The following SYNE1 variants were observed in gnomAD, a reference collection of about 807,000 sequenced individuals.
The protein encoded by SYNE1 is nesprin-1.
Under a neutral mutation model 1,111.0 loss-of-function variants are expected in SYNE1, and 616 were observed. The ratio of observed to expected loss-of-function variants is 0.55; its 90% CI spans 0.52 to 0.59. The LOEUF is 0.59. SYNE1 is among the 20% of genes least tolerant of loss of function. The pLI is 0.00. For missense variants in SYNE1, 10,006 were observed against 10,417.0 expected (o/e 0.96, Z 1.72); for synonymous variants, 3,855 against 3,825.8 (o/e 1.01, Z -0.28).
intron 104 of SYNE1, among the ~76,000 whole-genome samples, chr6:152,252,664 A>G (rs910486304): frequency 6.6e-6 from 1 of 152,248 alleles, no homozygotes; most frequent in African/African-American, 2.4e-5. Context: ...GTGCAAAGTT[A>G]AAACAAAAAG....
At position 152,122,626 on chromosome 6, in the gene SYNE1, C is replaced by A. The variant is rs2295192; in HGVS notation, c.26204G>T (p.Arg8735Leu). The change falls in exon 146 of 146, where the codon CGG (arginine) becomes CTG (leucine). Residue 8735 changes from arginine to leucine, a missense_variant. Physicochemically the swap from Arg to Leu is moderately radical, Grantham distance 102. Around this residue, in one of 7 missense-constraint regions of SYNE1, gnomAD observed 761 missense variants for 795.5 expected, o/e 0.96. Transcript: ENST00000367255. ...TCTGAACAGGAAGCCGCGGCCGGAC[C>A]GACCTGGCCCTGGCTCAGAAAGGGA... ...DSSLSEPGPG[R>L]SGRGFLFRVL... 125 of 1,613,958 alleles carry A rather than the reference C, an allele frequency of 7.7e-5. 1 individual carries two copies. Among genetic ancestry groups the A allele is most frequent in the Admixed American group, 2.7e-4 (16 of 60,006 alleles).
intron 109 of SYNE1, 82 bp downstream of exon 109, chr6:152,236,735 A>C: frequency 3.1e-5 from 47 of 1,530,344 alleles, no homozygotes; most frequent in Non-Finnish European, 4.2e-5. Flanking sequence ...TACTAATAAA[A>C]TAATTGATCA....
chr6:152,602,196 C>T (rs1296716994), intron 3 of SYNE1, among the ~76,000 whole-genome samples: 1 of 152,152 alleles, frequency 6.6e-6, no homozygotes, highest in Non-Finnish European at 1.5e-5. Context: ...ACCTCCAGGA[C>T]TTCAGAATGT....
chr6:152,377,742 C>T, intron 56 of SYNE1, among the ~76,000 whole-genome samples: 1 of 129,214 alleles, frequency 7.7e-6, no homozygotes, highest in East Asian at 2.4e-4. Flanking sequence ...TTAAAAATTT[C>T]TTATAATCCA....
intron 20 of SYNE1, 23 bp downstream of exon 20, chr6:152,462,715 A>T (rs755143585): frequency 1.9e-6 from 3 of 1,613,866 alleles, no homozygotes; most frequent in Non-Finnish European, 2.5e-6. Context: ...TAGGCTTTTC[A>T]TTTTGATTCA....
At chr6:152,509,110 A>G (rs1226241145) in intron 8 of SYNE1, among the ~76,000 whole-genome samples, 1 of 152,180 alleles carries the variant, frequency 6.6e-6, no homozygotes, top group Non-Finnish European at 1.5e-5. Flanking sequence ...GGAAAATCAA[A>G]CAAAAGCATA....
chr6:152,293,927 G>C, intron 94 of SYNE1, 33 bp downstream of exon 94: 1 of 1,613,770 alleles, frequency 6.2e-7, no homozygotes, highest in South Asian at 1.1e-5. Context: ...CTGGTGTCTG[G>C]TGGGCATAAA....
Position 152,143,660 on chromosome 6 carries a change from G to A in SYNE1, c.25082C>T (p.Pro8361Leu), listed in dbSNP as rs2058925640. The A allele has an allele frequency of 1.9e-6, 3 of 1,614,152 alleles. No homozygotes were observed. The highest frequency in any genetic ancestry group is 2.5e-6 in the Non-Finnish European group (3 of 1,180,030). ...GCTGGTGTCTAGCTCCGGCCCCGTG[G>A]GAGTTTTGCTGCGAATGATATTTTC... ...QTENIIRSKTPTGPELDTSYK... is the reference protein window; with the variant it reads ...QTENIIRSKTLTGPELDTSYK... Residue 8361 changes from proline (P) to leucine (L), a missense_variant, in exon 138 of 146, where the codon CCC (proline) becomes CTC (leucine). Pro to Leu is a moderately conservative substitution (Grantham distance 98). Coordinates refer to ENST00000367255, the MANE Select transcript of SYNE1 (RefSeq NM_182961.4).
At chr6:152,487,949 C>A (rs2098949811) in intron 12 of SYNE1, among the ~76,000 whole-genome samples, 1 of 152,034 alleles carries the variant, frequency 6.6e-6, no homozygotes, top group Non-Finnish European at 1.5e-5. Flanking sequence ...GTGGTGGGTG[C>A]CTGTAGTCCC....
At chr6:152,230,995 G>A (rs923282701) in intron 114 of SYNE1, among the ~76,000 whole-genome samples, 6 of 152,164 alleles carry the variant, frequency 3.9e-5, no homozygotes, top group Admixed American at 3.3e-4. Context: ...AAAGTTTACG[G>A]ATTTGTGTTG....
At chr6:152,163,117 C>A (rs2062862433) in intron 131 of SYNE1, among the ~76,000 whole-genome samples, 1 of 152,162 alleles carries the variant, frequency 6.6e-6, no homozygotes, top group Non-Finnish European at 1.5e-5. Context: ...ATATTCAAAG[C>A]AACCTAAATG....
chr6:152,486,218 A>AG (rs148008568), intron 12 of SYNE1, among the ~76,000 whole-genome samples: 7,095 of 151,136 alleles, frequency 0.047, 237 homozygotes, highest in Non-Finnish European at 0.067. Flanking sequence ...ATTAAAAAAA[A>AG]CAACAAAAAA....
chr6:152,337,052 T>C (rs375131729), intron 75 of SYNE1, 35 bp from the exon 76 acceptor site: 15 of 1,599,096 alleles, frequency 9.4e-6, no homozygotes, highest in Middle Eastern at 1.7e-4. Context: ...TTAGCAACCA[T>C]ACATGGAAAC....
intron 98 of SYNE1, among the ~76,000 whole-genome samples, chr6:152,274,902 T>G (rs924504759): frequency 6.6e-6 from 1 of 152,150 alleles, no homozygotes; most frequent in Admixed American, 6.5e-5. Flanking sequence ...TTGTTTATTT[T>G]TTTAGTTGGC....
chr6:152,176,682 T>C, intron 129 of SYNE1, 122 bp from the exon 130 acceptor site: 1 of 974,472 alleles, frequency 1.0e-6, no homozygotes, highest in Admixed American at 1.9e-5. Context: ...AGCATAGGAA[T>C]ACCATGTGGA....
intron 100 of SYNE1, among the ~76,000 whole-genome samples, chr6:152,267,701 A>T (rs1468847433): frequency 6.6e-6 from 1 of 152,218 alleles, no homozygotes; most frequent in Non-Finnish European, 1.5e-5. Context: ...GGGCAAGATA[A>T]GCTCTTACAG....
chr6:152,144,026 T>G, intron 137 of SYNE1: 1 of 492,244 alleles, frequency 2.0e-6, no homozygotes, highest in Non-Finnish European at 3.7e-6. Context: ...AACAGCTTCG[T>G]GCACCTGACC....
chr6:152,416,386 C>A lies in SYNE1; in HGVS notation c.6050+1G>T, dbSNP rs1261272739. 6.2e-7 allele frequency: 1 copy of A among 1,613,914 alleles called. No homozygotes were observed. The highest frequency in any genetic ancestry group is 8.5e-7 in the Non-Finnish European group (1 of 1,180,038). On this transcript the variant is annotated splice_donor_variant, in intron 41 of 145. Transcript: ENST00000367255. LOFTEE classifies it high-confidence loss of function. ...AGTGGCCGTGACAGTTTCCTATTTA[C>A]CTCTGCTGAAGAGCTTGGCGGGTAG...
At chr6:152,573,748 CA>C (rs1415940739) in intron 3 of SYNE1, among the ~76,000 whole-genome samples, 1 of 152,078 alleles carries the variant, frequency 6.6e-6, no homozygotes, top group Non-Finnish European at 1.5e-5. Context: ...TTCATATGCT[CA>C]AGAATTAGGT....
Sources: gnomAD v4.1 joint callset for allele counts (sites outside exome capture counted in the v4.1 genomes callset) on GRCh38, gnomAD v4.1.1 for gene constraint, gnomAD v4.1.1 regional missense constraint, MANE v1.5 for transcripts, NCBI Gene and HGNC (gene_info 2026-07-23, HGNC 2026-07-21) for gene names.